The following STAG1 variants were observed in gnomAD, a reference collection of about 807,000 sequenced individuals.
The protein encoded by STAG1 is STAG1 cohesin complex component, also known as cohesin subunit SA-1.
Under a neutral mutation model 170.9 loss-of-function variants are expected in STAG1, and 26 were observed. The ratio of observed to expected loss-of-function variants is 0.15; its 90% CI spans 0.11 to 0.21. The LOEUF is 0.21. Among genes scored for constraint, STAG1 ranks in the 10% least tolerant of loss-of-function variants. The pLI is 1.00. For missense variants in STAG1, 964 were observed against 1,509.5 expected (o/e 0.64, Z 5.99); for synonymous variants, 514 against 497.7 (o/e 1.03, Z -0.44).
chr3:136,692,222 G>C (rs960831659), intron 1 of STAG1, among the ~76,000 whole-genome samples: 1 of 143,434 alleles, frequency 7.0e-6, no homozygotes, highest in Non-Finnish European at 1.5e-5. Context: ...GCTGAGGCAG[G>C]AGAATCGCTT....
intron 16 of STAG1, among the ~76,000 whole-genome samples, chr3:136,429,133 G>T (rs2088218583): frequency 6.6e-6 from 1 of 151,638 alleles, no homozygotes; most frequent in Non-Finnish European, 1.5e-5. Flanking sequence ...CAGGCTGGGA[G>T]AGGTGGCTCA....
chr3:136,437,884 C>A lies in STAG1; in HGVS notation c.1547-4225G>T, dbSNP rs539960607. Among the ~76,000 whole-genome samples, 4 of 152,274 alleles carry A rather than the reference C, an allele frequency of 2.6e-5. No individual in the cohort carries two copies. The South Asian group carries it at 8.3e-4, about 32-fold the overall frequency. On this transcript the variant is annotated intron_variant, in intron 15 of 33. Transcript: ENST00000383202. Reference sequence around the variant, plus strand: ...GCCATCTCCCTCTTTTATATTTTTACCATCATTCCTCATAGAGACCACTGC... The same window carrying A: ...GCCATCTCCCTCTTTTATATTTTTAACATCATTCCTCATAGAGACCACTGC...
At chr3:136,520,081 A>C (rs945330502) in intron 7 of STAG1, among the ~76,000 whole-genome samples, 1 of 152,162 alleles carries the variant, frequency 6.6e-6, no homozygotes, top group African/African-American at 2.4e-5. Flanking sequence ...TGGGAAAAAA[A>C]GAATGTAAAA....
intron 1 of STAG1, among the ~76,000 whole-genome samples, chr3:136,689,839 C>G (rs1433151634): frequency 2.0e-5 from 3 of 151,814 alleles, no homozygotes; most frequent in Non-Finnish European, 4.4e-5. Flanking sequence ...TCAGAAGTTC[C>G]AAGACCAGCC....
intron 1 of STAG1, among the ~76,000 whole-genome samples, chr3:136,715,625 G>A (rs925877693): frequency 1.3e-5 from 2 of 151,408 alleles, no homozygotes; most frequent in Non-Finnish European, 2.9e-5. Flanking sequence ...TTTCAAAAAA[G>A]AAAAAAATTT....
At chr3:136,727,003 A>G (rs1933722769) in intron 1 of STAG1, among the ~76,000 whole-genome samples, 1 of 152,100 alleles carries the variant, frequency 6.6e-6, no homozygotes, top group African/African-American at 2.4e-5. Context: ...TTCTGTACAC[A>G]TCCTCAGCTT....
At chr3:136,435,528 C>T (rs1357837786) in intron 15 of STAG1, among the ~76,000 whole-genome samples, 1 of 152,052 alleles carries the variant, frequency 6.6e-6, no homozygotes, top group Non-Finnish European at 1.5e-5. Context: ...CTCTCTCAAA[C>T]CCACTGGAAT....
At chr3:136,619,894 G>A (rs1298332625) in intron 3 of STAG1, among the ~76,000 whole-genome samples, 5 of 151,260 alleles carry the variant, frequency 3.3e-5, no homozygotes, top group Admixed American at 6.6e-5. Context: ...AGTGAGACCC[G>A]GTCTTCACAC....
intron 1 of STAG1, among the ~76,000 whole-genome samples, chr3:136,732,844 G>GT (rs1934119811): frequency 1.3e-5 from 2 of 151,928 alleles, no homozygotes. Flanking sequence ...TCCTGACCTC[G>GT]TGAGCCACCC....
chr3:136,398,533 A>T (rs567174537), intron 22 of STAG1, among the ~76,000 whole-genome samples: 68 of 152,198 alleles, frequency 4.5e-4, no homozygotes, highest in African/African-American at 1.5e-3. Context: ...ACACACACAT[A>T]ACTATGTGTC....
intron 7 of STAG1, among the ~76,000 whole-genome samples, chr3:136,515,910 G>A (rs572885815): frequency 1.3e-5 from 2 of 151,928 alleles, no homozygotes; most frequent in Non-Finnish European, 2.9e-5. Flanking sequence ...ATTGAATAAA[G>A]ATTTTATATC....
At chr3:136,575,330 T>C (rs1398502511) in intron 4 of STAG1, among the ~76,000 whole-genome samples, 4 of 152,172 alleles carry the variant, frequency 2.6e-5, no homozygotes, top group Non-Finnish European at 4.4e-5. Flanking sequence ...GCTCAAGCTA[T>C]CCTTCCACCT....
chr3:136,526,618 G>T lies in STAG1; in HGVS notation c.472-5201C>A, dbSNP rs145273161. On this transcript the variant is annotated intron_variant, in intron 6 of 33. Transcript: ENST00000383202. ...ACATTTAAGGTTAATATTGTTATGTGTGAATTTGATCCTGTCATTATGTTA... is the reference window on the plus strand; with the variant it reads ...ACATTTAAGGTTAATATTGTTATGTTTGAATTTGATCCTGTCATTATGTTA... 2.9e-3 allele frequency among the ~76,000 whole-genome samples: 448 copies of T among 152,288 alleles called. 2 individuals are homozygous for T. The highest frequency in any genetic ancestry group is 8.4e-3 in the African/African-American group (348 of 41,566).
intron 1 of STAG1, among the ~76,000 whole-genome samples, chr3:136,633,774 C>A (rs1335582178): frequency 1.4e-5 from 2 of 143,116 alleles, no homozygotes; most frequent in African/African-American, 5.2e-5. Flanking sequence ...CTGGTGGGGG[C>A]CAGGAGTTCG....
chr3:136,597,073 C>G (rs1467973368), intron 4 of STAG1, among the ~76,000 whole-genome samples: 1 of 151,994 alleles, frequency 6.6e-6, no homozygotes, highest in Non-Finnish European at 1.5e-5. Flanking sequence ...GAGACTGTAT[C>G]TTAAAAAAAA....
chr3:136,582,538 C>T (rs918637580), intron 4 of STAG1, among the ~76,000 whole-genome samples: 9 of 152,212 alleles, frequency 5.9e-5, no homozygotes, highest in Admixed American at 4.6e-4. Context: ...GTGGCTCACG[C>T]CTGTAATCCC....
intron 21 of STAG1, among the ~76,000 whole-genome samples, chr3:136,407,368 C>T (rs979653200): frequency 6.6e-6 from 1 of 152,172 alleles, no homozygotes; most frequent in South Asian, 2.1e-4. Context: ...AGATCTTGCA[C>T]ATACTTTGTT....
intron 1 of STAG1, among the ~76,000 whole-genome samples, chr3:136,747,440 G>A (rs4502535): frequency 6.6e-6 from 1 of 152,154 alleles, no homozygotes; most frequent in Non-Finnish European, 1.5e-5. Context: ...TGTAATCCCA[G>A]CACCTTGGGA....
chr3:136,472,383 A>G (rs1378091823), intron 12 of STAG1, 30 bp downstream of exon 12: 5 of 1,522,538 alleles, frequency 3.3e-6, no homozygotes, highest in Admixed American at 1.7e-5. Context: ...AAATATCAAT[A>G]AAGTTAAAAT....
Sources: gnomAD v4.1 joint callset for allele counts (sites outside exome capture counted in the v4.1 genomes callset) on GRCh38, gnomAD v4.1.1 for gene constraint, MANE v1.5 for transcripts, NCBI Gene and HGNC (gene_info 2026-07-23, HGNC 2026-07-21) for gene names.